Variants in FOXN3 observed in about 807,000 individuals in gnomAD.
FOXN3 encodes the protein forkhead box N3, also known as forkhead box protein N3.
A neutral mutation model predicts 38.4 loss-of-function variants in FOXN3; 7 were observed. The ratio of observed to expected loss-of-function variants is 0.18; its 90% CI spans 0.10 to 0.34. The LOEUF is 0.34. Among genes scored for constraint, FOXN3 ranks in the 10% least tolerant of loss-of-function variants. The pLI, the probability that FOXN3 is intolerant of heterozygous loss-of-function variation, is 1.00. For synonymous variants in FOXN3, 230 were observed against 242.2 expected, an observed-to-expected ratio of 0.95 and a Z score of 0.47; for missense variants, 456 against 613.4, an observed-to-expected ratio of 0.74 and a Z score of 2.71.
chr14:89,454,305 A>G (rs551687750), intron 1 of FOXN3, among the ~76,000 whole-genome samples: 2 of 152,236 alleles, frequency 1.3e-5, no homozygotes, highest in South Asian at 2.1e-4. Context: ...CTCCGTCTCA[A>G]AAAAAAAGAA....
chr14:89,199,216 AT>A (rs1458564566), intron 4 of FOXN3, among the ~76,000 whole-genome samples: 2 of 152,192 alleles, frequency 1.3e-5, no homozygotes, highest in Non-Finnish European at 2.9e-5. Context: ...AGGAGACTGG[AT>A]TCACTGTGGA....
At chr14:89,222,973 T>G (rs1366320107) in intron 4 of FOXN3, 1 of 152,150 alleles carries the variant, frequency 6.6e-6, no homozygotes, top group Non-Finnish European at 1.5e-5. Flanking sequence ...CTCACTATGT[T>G]GCCCAGGCTG....
chr14:89,490,334 T>A (rs961159382), intron 1 of FOXN3, among the ~76,000 whole-genome samples: 3 of 152,164 alleles, frequency 2.0e-5, no homozygotes, highest in African/African-American at 7.2e-5. Context: ...GGTGAACGGA[T>A]TGTTGTTGGA....
At chr14:89,278,599 T>C (rs908345143) in intron 4 of FOXN3, among the ~76,000 whole-genome samples, 5 of 152,140 alleles carry the variant, frequency 3.3e-5, no homozygotes, top group South Asian at 2.1e-4. Context: ...GATTCCCACG[T>C]CACCCCCATG....
intron 4 of FOXN3, among the ~76,000 whole-genome samples, chr14:89,242,107 T>G (rs1885157274): frequency 6.6e-6 from 1 of 152,168 alleles, no homozygotes; most frequent in South Asian, 2.1e-4. Context: ...TTGGCTTGAA[T>G]GCCACAAGGT....
chr14:89,537,518 G>A (rs1273492134), intron 1 of FOXN3, among the ~76,000 whole-genome samples: 1 of 152,100 alleles, frequency 6.6e-6, no homozygotes, highest in African/African-American at 2.4e-5. Flanking sequence ...TCCATGAAAT[G>A]CTCAATGGAT....
intron 5 of FOXN3, among the ~76,000 whole-genome samples, chr14:89,172,704 TAGAA>T (rs771013012): frequency 4.3e-4 from 66 of 151,924 alleles, no homozygotes; most frequent in Non-Finnish European, 8.2e-4. Context: ...AACCCACAAA[TAGAA>T]AGAAACCTGA....
rs368440824 is a variant in FOXN3 at position 89,462,814 on chromosome 14, A to G, written c.-14-50324T>C. On this transcript the variant is annotated intron_variant, in intron 1 of 6. Transcript: ENST00000345097. ...ATTCTCTCACTTCAGCCTCCTGAGT[A>G]GCTGGGACTACAGGCGCCCGCCACC... Among the ~76,000 whole-genome samples the G allele has an allele frequency of 2.3e-3, 344 of 151,608 alleles. 2 individuals carry two copies. The highest frequency in any genetic ancestry group is 0.01 in the Middle Eastern group (3 of 294).
chr14:89,513,163 A>G (rs751279525), intron 1 of FOXN3, among the ~76,000 whole-genome samples: 29 of 150,898 alleles, frequency 1.9e-4, no homozygotes, highest in Non-Finnish European at 4.1e-4. Flanking sequence ...AAAAAAAAAA[A>G]AAAAAAGAAA....
chr14:89,204,168 G>T (rs886212340), intron 4 of FOXN3, among the ~76,000 whole-genome samples: 1 of 150,784 alleles, frequency 6.6e-6, no homozygotes, highest in Non-Finnish European at 1.5e-5. Flanking sequence ...CGAGCTTCAG[G>T]CACAAAGAGG....
At chr14:89,602,165 T>G (rs2139940666) in intron 1 of FOXN3, among the ~76,000 whole-genome samples, 1 of 152,122 alleles carries the variant, frequency 6.6e-6, no homozygotes, top group East Asian at 2.0e-4. Context: ...GGTGCACACC[T>G]GTGGTCCCAG....
chr14:89,347,085 TAAGAA>T (rs1260445185), intron 3 of FOXN3, among the ~76,000 whole-genome samples: 1 of 151,596 alleles, frequency 6.6e-6, no homozygotes, highest in African/African-American at 2.4e-5. Flanking sequence ...ATGTCTCCCT[TAAGAA>T]AAGGGTTGCT....
At chr14:89,399,893 C>G (rs954454169) in intron 2 of FOXN3, 1 of 152,214 alleles carries the variant, frequency 6.6e-6, no homozygotes, top group South Asian at 2.1e-4. Context: ...CTTTCCATAT[C>G]AACTGCAAAC....
chr14:89,542,963 G>C (rs1220594261), intron 1 of FOXN3, among the ~76,000 whole-genome samples: 1 of 152,164 alleles, frequency 6.6e-6, no homozygotes, highest in East Asian at 1.9e-4. Flanking sequence ...AAACAATGGG[G>C]CTGCCAGCAG....
At chr14:89,584,241 T>C (rs1895801761) in intron 1 of FOXN3, among the ~76,000 whole-genome samples, 1 of 151,976 alleles carries the variant, frequency 6.6e-6, no homozygotes, top group Non-Finnish European at 1.5e-5. Context: ...TTACTAAAAA[T>C]ATTTTAAAAA....
chr14:89,354,243 C>T (rs8014443), intron 2 of FOXN3, among the ~76,000 whole-genome samples: 149,658 of 151,746 alleles, frequency 0.99, 73,789 homozygotes, highest in South Asian at 1. Flanking sequence ...TTTGTTTTTT[C>T]TTAGACAGAG....
At chr14:89,500,339 A>C (rs1893770206) in intron 1 of FOXN3, among the ~76,000 whole-genome samples, 1 of 152,212 alleles carries the variant, frequency 6.6e-6, no homozygotes, top group Admixed American at 6.5e-5. Context: ...GCAATGAGTC[A>C]ATTGCAGAAG....
intron 4 of FOXN3, among the ~76,000 whole-genome samples, chr14:89,213,028 T>C (rs1884151328): frequency 6.6e-6 from 1 of 152,214 alleles, no homozygotes. Flanking sequence ...TTCCTCATTT[T>C]GTTTTTCTGG....
intron 4 of FOXN3, among the ~76,000 whole-genome samples, chr14:89,268,064 A>G (rs1886037266): frequency 1.3e-5 from 2 of 152,150 alleles, no homozygotes; most frequent in African/African-American, 4.8e-5. Context: ...TTAAACATAT[A>G]TGCACCTACA....
Sources: allele counts gnomAD v4.1 joint callset (sites outside exome capture counted in the v4.1 genomes callset), GRCh38; gene constraint gnomAD v4.1.1; transcripts MANE v1.5; gene names NCBI Gene and HGNC (gene_info 2026-07-23, HGNC 2026-07-21).